UBE3D: variants seen among roughly 807,000 people sequenced by gnomAD.
The protein encoded by UBE3D is E3 ubiquitin-protein ligase E3D.
In UBE3D, 48 loss-of-function variants were observed where a neutral mutation model predicts 49.6. The ratio of observed to expected loss-of-function variants is 0.97; its 90% CI spans 0.77 to 1.23. UBE3D has a LOEUF of 1.23. Ranked by LOEUF, UBE3D falls within the 50% of genes most tolerant of loss-of-function variation. The pLI is 0.00. For synonymous variants in UBE3D, 189 were observed against 174.2 expected (o/e 1.08, Z -0.67); for missense variants, 452 against 468.4 (o/e 0.96, Z 0.32).
rs544469223 is a variant in UBE3D, at chr6:83,033,057, G to C, written c.667+5359C>G. ...ATGGTTCTCCAGGCTGTACAAGCAA[G>C]CCTCCAGCATTTGCTTGGCTTCTGG... On this transcript the variant is annotated intron_variant, in intron 5 of 9. Coordinates refer to ENST00000369747, the MANE Select transcript of UBE3D (RefSeq NM_198920.3). Among the ~76,000 whole-genome samples the C allele has an allele frequency of 2.0e-5, 3 of 152,268 alleles. No homozygotes were observed. The South Asian group carries it at 6.2e-4, about 32-fold the overall frequency.
intron 9 of UBE3D, among the ~76,000 whole-genome samples, chr6:82,893,582 C>G (rs547056060): frequency 6.6e-6 from 1 of 152,308 alleles, no homozygotes; most frequent in East Asian, 1.9e-4. Flanking sequence ...TCAAATGCAT[C>G]TAATTTCCCA....
intron 1 of UBE3D, among the ~76,000 whole-genome samples, chr6:83,063,615 C>T (rs1298239393): frequency 6.6e-6 from 1 of 151,858 alleles, no homozygotes; most frequent in Admixed American, 6.6e-5. Context: ...ATATGAATTG[C>T]TAAAAAGCAA....
intron 9 of UBE3D, among the ~76,000 whole-genome samples, chr6:82,897,683 CA>C (rs1562061909): frequency 6.6e-6 from 1 of 151,578 alleles, no homozygotes; most frequent in Non-Finnish European, 1.5e-5. Flanking sequence ...AATGTAAAAA[CA>C]AAAATAAAAT....
chr6:82,949,677 T>C (rs771891687), intron 9 of UBE3D, among the ~76,000 whole-genome samples: 1 of 151,912 alleles, frequency 6.6e-6, no homozygotes, highest in Non-Finnish European at 1.5e-5. Flanking sequence ...CACAGACCAA[T>C]GGAATATAAT....
At position 83,032,412 on chromosome 6, in the gene UBE3D, C is replaced by T. The variant is rs960237651; in HGVS notation, c.667+6004G>A. 1.9e-5 allele frequency: 7 copies of T among 375,930 alleles called. 1 individual carries two copies. The East Asian group carries it at 4.5e-4, about 24-fold the overall frequency. 23.3% of individuals were successfully genotyped at this position (375,930 alleles called of 1,614,324 possible). A position where few individuals can be genotyped will look rare whatever the true frequency, so the allele number is the denominator to read the frequency against. On this transcript the variant is annotated intron_variant, in intron 5 of 9. Transcript: ENST00000369747. ...GGGGCCTTTAGCCCCTTTGATTTGG[C>T]CAATTTCTCCTATTTGGAATGGGTG...
intron 4 of UBE3D, among the ~76,000 whole-genome samples, chr6:83,041,580 A>C (rs1782673702): frequency 1.3e-5 from 2 of 152,224 alleles, no homozygotes; most frequent in Non-Finnish European, 2.9e-5. Flanking sequence ...TTTCAGGAAA[A>C]AAAGAGCAGA....
chr6:82,988,888 T>TA (rs935694403), intron 8 of UBE3D, among the ~76,000 whole-genome samples: 6 of 151,680 alleles, frequency 4.0e-5, no homozygotes, highest in Non-Finnish European at 8.8e-5. Flanking sequence ...AAATCAGACT[T>TA]AAAGTCTCAG....
rs147484615 is a variant in UBE3D at position 83,065,511 on chromosome 6, T to C, written c.77+131A>G. On this transcript the variant is annotated intron_variant, in intron 1 of 9. Coordinates refer to ENST00000369747, the MANE Select transcript of UBE3D (RefSeq NM_198920.3). The stretch of plus-strand genomic sequence containing the variant: ...CTACAGGGGAAAGCTTCACTTTGAG[T>C]GATCGAGAGGCTCTACGCAACTGGA... The C allele has an allele frequency of 2.0e-3, 1,618 of 794,430 alleles. 47 individuals carry two copies. The Admixed American group carries it at 0.044, about 22-fold the overall frequency. The allele number at this position is 794,430 out of a possible 1,614,324, so 49.2% of individuals were successfully genotyped here. A position where few individuals can be genotyped will look rare whatever the true frequency, so the allele number is the denominator to read the frequency against.
At chr6:83,060,540 C>T (rs887520697) in intron 1 of UBE3D, among the ~76,000 whole-genome samples, 1 of 152,090 alleles carries the variant, frequency 6.6e-6, no homozygotes, top group African/African-American at 2.4e-5. Flanking sequence ...ACACACATAC[C>T]CTAGTTCTGG....
chr6:83,061,202 A>AT (rs1784147034), intron 1 of UBE3D, among the ~76,000 whole-genome samples: 1 of 152,224 alleles, frequency 6.6e-6, no homozygotes, highest in African/African-American at 2.4e-5. Context: ...CTACAAAATG[A>AT]TTGTACTATC....
chr6:82,943,684 A>T (rs1411640848), intron 9 of UBE3D, among the ~76,000 whole-genome samples: 3 of 152,144 alleles, frequency 2.0e-5, no homozygotes, highest in African/African-American at 4.8e-5. Flanking sequence ...AAAATCAGGT[A>T]AGGACTCATG....
intron 9 of UBE3D, among the ~76,000 whole-genome samples, chr6:82,944,413 C>A (rs560656862): frequency 7.9e-5 from 12 of 152,242 alleles, no homozygotes; most frequent in Non-Finnish European, 7.3e-5. Flanking sequence ...CAAAGCCTAT[C>A]ATCTGATGAC....
rs186972829 is a variant in UBE3D, at chr6:82,968,887, A to T, written c.1011-11437T>A. On this transcript the variant is annotated intron_variant, in intron 8 of 9. Coordinates refer to ENST00000369747, the MANE Select transcript of UBE3D (RefSeq NM_198920.3). Reference sequence around the variant, plus strand: ...TCTTATTTTCAAATTTTGTTGAGTCATTTGCAGAGGTGCTTCATTGCACAA... The same window carrying T: ...TCTTATTTTCAAATTTTGTTGAGTCTTTTGCAGAGGTGCTTCATTGCACAA... Among the ~76,000 whole-genome samples, 338 of 152,252 alleles carry T rather than the reference A, an allele frequency of 2.2e-3. 2 individuals carry two copies. Among genetic ancestry groups the T allele is most frequent in the African/African-American group, 7.8e-3 (323 of 41,546 alleles).
intron 4 of UBE3D, among the ~76,000 whole-genome samples, chr6:83,043,229 T>A (rs569639837): frequency 1.9e-4 from 29 of 152,180 alleles, no homozygotes; most frequent in Non-Finnish European, 3.8e-4. Context: ...TCTGATTCAA[T>A]CTTTCTCTAC....
At chr6:82,989,760 C>A (rs1481733537) in intron 8 of UBE3D, among the ~76,000 whole-genome samples, 4 of 152,056 alleles carry the variant, frequency 2.6e-5, no homozygotes, top group African/African-American at 4.8e-5. Flanking sequence ...TTTTTAAAGC[C>A]CAATTCAATC....
At chr6:82,881,267 T>C in the UBE3D span, among the ~76,000 whole-genome samples, 948 of 152,258 alleles carry the variant, frequency 6.2e-3, 17 homozygotes, top group African/African-American at 0.022. Context: ...GCAGGATGCA[T>C]TGGGGCTAGG....
At chr6:82,993,848 G>A (rs1484823833) in intron 8 of UBE3D, among the ~76,000 whole-genome samples, 1 of 152,112 alleles carries the variant, frequency 6.6e-6, no homozygotes, top group Non-Finnish European at 1.5e-5. Context: ...GTATTCTCTG[G>A]ACCTAGGGTT....
At chr6:83,000,742 C>T (rs961807623) in intron 8 of UBE3D, among the ~76,000 whole-genome samples, 2 of 152,170 alleles carry the variant, frequency 1.3e-5, no homozygotes, top group Non-Finnish European at 2.9e-5. Context: ...GCCACCCTGA[C>T]CTTCCCATCC....
intron 8 of UBE3D, among the ~76,000 whole-genome samples, chr6:82,969,417 G>C (rs940655291): frequency 6.6e-6 from 1 of 152,042 alleles, no homozygotes; most frequent in African/African-American, 2.4e-5. Context: ...AACCAACCTG[G>C]GCAACATAGT....
Sources: allele counts gnomAD v4.1 joint callset (sites outside exome capture counted in the v4.1 genomes callset), GRCh38; gene constraint gnomAD v4.1.1; transcripts MANE v1.5; gene names NCBI Gene and HGNC (gene_info 2026-07-23, HGNC 2026-07-21).